The following SAMMSON variants were observed in gnomAD, a reference collection of about 807,000 sequenced individuals.
SAMMSON encodes the protein long intergenic non-protein coding RNA 1212.
chr3:70,298,299 CA>C lies in SAMMSON; in HGVS notation n.739+7058del, dbSNP rs1175309499. Among the ~76,000 whole-genome samples, 9 of 152,128 alleles carry C rather than the reference CA, an allele frequency of 5.9e-5. No homozygotes were observed. In the South Asian group the frequency reaches 6.2e-4, roughly 11 times the overall value. On this transcript the variant is annotated intron_variant and non_coding_transcript_variant, in intron 7 of 9. Coordinates refer to ENST00000642114, the Ensembl canonical transcript of SAMMSON. ...ACTTTGATGTGATATGTTTTATTTT[CA>C]AGTGCTTGTTTCACAAAGATAAGCA...
At chr3:70,193,548 A>G (rs979682173) in intron 4 of SAMMSON, among the ~76,000 whole-genome samples, 7 of 152,098 alleles carry the variant, frequency 4.6e-5, no homozygotes, top group African/African-American at 1.2e-4. Context: ...TATCACTGGA[A>G]ATTTGTTTGA....
intron 4 of SAMMSON, among the ~76,000 whole-genome samples, chr3:70,116,380 G>T (rs138748992): frequency 1.5e-3 from 216 of 145,346 alleles, no homozygotes; most frequent in South Asian, 5.7e-3. Context: ...ATTTTTCTGG[G>T]ATTCTTTAGT....
chr3:70,383,063 A>C (rs1703086675), intron 9 of SAMMSON, among the ~76,000 whole-genome samples: 1 of 152,124 alleles, frequency 6.6e-6, no homozygotes, highest in Admixed American at 6.6e-5. Flanking sequence ...ATGCTCTCAT[A>C]GGTAACTTCC....
chr3:70,420,869 A>G (rs1288110027), intron 2 of SAMMSON, among the ~76,000 whole-genome samples: 1 of 152,178 alleles, frequency 6.6e-6, no homozygotes, highest in Non-Finnish European at 1.5e-5. Flanking sequence ...CATAAATTCG[A>G]AAGTGTAGAG....
intron 7 of SAMMSON, among the ~76,000 whole-genome samples, chr3:70,318,147 G>A (rs1381307162): frequency 6.6e-6 from 1 of 151,780 alleles, no homozygotes; most frequent in Non-Finnish European, 1.5e-5. Context: ...GGTTTGGTAA[G>A]TTGATGTTTT....
chr3:70,163,364 G>T (rs200301580), intron 4 of SAMMSON, among the ~76,000 whole-genome samples: 3,480 of 149,026 alleles, frequency 0.023, 84 homozygotes, highest in East Asian at 0.13. Flanking sequence ...TAGAGAGAGA[G>T]AGAGAGAGAG....
intron 7 of SAMMSON, among the ~76,000 whole-genome samples, chr3:70,325,292 A>T (rs1575626195): frequency 6.6e-6 from 1 of 152,136 alleles, no homozygotes. Context: ...ACCTGCCCCA[A>T]GTGAGTTGCT....
intron 4 of SAMMSON, among the ~76,000 whole-genome samples, chr3:70,115,987 T>C (rs1176040477): frequency 6.7e-6 from 1 of 150,228 alleles, no homozygotes; most frequent in African/African-American, 2.5e-5. Context: ...ACACATCCCG[T>C]AGGTCTTGTG....
At chr3:70,166,210 T>TA (rs1443470891) in intron 4 of SAMMSON, among the ~76,000 whole-genome samples, 1 of 151,990 alleles carries the variant, frequency 6.6e-6, no homozygotes, top group Non-Finnish European at 1.5e-5. Flanking sequence ...GCAGGTCACT[T>TA]AACCTCTCTG....
chr3:70,336,174 G>A (rs1702658832), intron 7 of SAMMSON, among the ~76,000 whole-genome samples: 1 of 151,996 alleles, frequency 6.6e-6, no homozygotes, highest in Admixed American at 6.6e-5. Context: ...GTTTGATTCA[G>A]TAATATATAT....
At chr3:70,256,807 A>G (rs756027492) in intron 6 of SAMMSON, among the ~76,000 whole-genome samples, 1 of 152,218 alleles carries the variant, frequency 6.6e-6, no homozygotes, top group Non-Finnish European at 1.5e-5. Context: ...TATGTAATAT[A>G]CTAATACTGG....
chr3:70,217,159 A>G (rs1378199037), intron 4 of SAMMSON, among the ~76,000 whole-genome samples: 1 of 152,128 alleles, frequency 6.6e-6, no homozygotes, highest in African/African-American at 2.4e-5. Context: ...ATTAACTGCT[A>G]TATCCTAAAA....
intron 3 of SAMMSON, among the ~76,000 whole-genome samples, chr3:70,039,432 G>A (rs1380690233): frequency 6.6e-6 from 1 of 151,886 alleles, no homozygotes; most frequent in African/African-American, 2.4e-5. Context: ...CAAAAATACT[G>A]GTCTCTCCAA....
chr3:70,304,001 T>C (rs536329621), intron 7 of SAMMSON, among the ~76,000 whole-genome samples: 1 of 152,164 alleles, frequency 6.6e-6, no homozygotes, highest in African/African-American at 2.4e-5. Context: ...CTTTAGAGAA[T>C]AAAATGTAGT....
At chr3:70,134,954 T>C (rs546737895) in intron 4 of SAMMSON, among the ~76,000 whole-genome samples, 1 of 152,316 alleles carries the variant, frequency 6.6e-6, no homozygotes, top group East Asian at 1.9e-4. Context: ...CATTTTGCCA[T>C]AAAATGTAAC....
chr3:70,416,395 C>T (rs1006609058), intron 2 of SAMMSON, among the ~76,000 whole-genome samples: 19 of 152,066 alleles, frequency 1.2e-4, no homozygotes, highest in African/African-American at 4.1e-4. Flanking sequence ...CATTAATAAG[C>T]GCTGGAGTAC....
chr3:70,314,838 A>G (rs1702484682), intron 7 of SAMMSON, among the ~76,000 whole-genome samples: 2 of 152,072 alleles, frequency 1.3e-5, no homozygotes, highest in Admixed American at 1.3e-4. Flanking sequence ...CACAAACCTG[A>G]GATGCTTCCA....
chr3:70,366,491 T>TG (rs1702920721), intron 9 of SAMMSON, among the ~76,000 whole-genome samples: 1 of 107,686 alleles, frequency 9.3e-6, no homozygotes, highest in African/African-American at 3.7e-5. Context: ...TGTGTTTTTA[T>TG]GTTTTTTTTT....
At chr3:70,042,741 G>A (rs2067110658) in intron 3 of SAMMSON, among the ~76,000 whole-genome samples, 1 of 152,098 alleles carries the variant, frequency 6.6e-6, no homozygotes, top group African/African-American at 2.4e-5. Context: ...GTTGAACTGA[G>A]TGAATAAATT....
Sources: allele counts gnomAD v4.1 joint callset (sites outside exome capture counted in the v4.1 genomes callset), GRCh38; gene constraint gnomAD v4.1.1; transcripts MANE v1.5; gene names NCBI Gene and HGNC (gene_info 2026-07-23, HGNC 2026-07-21).